AGBL1: variants seen among roughly 807,000 people sequenced by gnomAD.
The protein encoded by AGBL1 is AGBL carboxypeptidase 1.
Under a neutral mutation model 118.9 loss-of-function variants are expected in AGBL1, and 130 were observed. That is an observed-to-expected ratio of 1.09 (90% CI 0.95 to 1.26). The LOEUF is 1.26. Among genes scored for constraint, AGBL1 ranks in the 50% most tolerant of loss-of-function variants. The pLI is 0.00. For missense variants in AGBL1, 1,584 were observed against 1,298.1 expected (o/e 1.22, Z -3.38); for synonymous variants, 555 against 478.9 (o/e 1.16, Z -2.08).
intron 22 of AGBL1, among the ~76,000 whole-genome samples, chr15:86,758,571 C>T (rs2077976297): frequency 6.6e-6 from 1 of 152,016 alleles, no homozygotes; most frequent in African/African-American, 2.4e-5. Context: ...GCTCGATAAG[C>T]ATCTGTTGAA....
chr15:86,096,346 C>T (rs145986490), intron 1 of AGBL1, among the ~76,000 whole-genome samples: 59 of 152,158 alleles, frequency 3.9e-4, no homozygotes, highest in African/African-American at 1.2e-3. Context: ...GAGACTTGAA[C>T]GGACATTTCC....
At chr15:86,150,769 A>G (rs146384185) in intron 3 of AGBL1, among the ~76,000 whole-genome samples, 2,260 of 152,312 alleles carry the variant, frequency 0.015, 52 homozygotes, top group African/African-American at 0.051. Flanking sequence ...AACTCATTTT[A>G]TGAGGCCAGC....
At chr15:86,290,613 G>C (rs548654259) in intron 16 of AGBL1, among the ~76,000 whole-genome samples, 12 of 151,858 alleles carry the variant, frequency 7.9e-5, no homozygotes, top group Middle Eastern at 3.4e-3. Context: ...CGGCCTCCCA[G>C]AGTGCTGGGA....
chr15:87,008,036 G>T (rs1034899876), intron 24 of AGBL1, among the ~76,000 whole-genome samples: 1 of 152,236 alleles, frequency 6.6e-6, no homozygotes, highest in African/African-American at 2.4e-5. Flanking sequence ...GAGGGAAGGT[G>T]TGATGGTTAG....
chr15:86,224,556 G>C (rs1186206672), intron 5 of AGBL1, among the ~76,000 whole-genome samples: 1 of 152,060 alleles, frequency 6.6e-6, no homozygotes, highest in African/African-American at 2.4e-5. Context: ...GTCCCTGCAA[G>C]TTTCCAGAAA....
At chr15:86,832,366 A>G (rs769683697) in intron 22 of AGBL1, among the ~76,000 whole-genome samples, 1 of 151,866 alleles carries the variant, frequency 6.6e-6, no homozygotes, top group African/African-American at 2.4e-5. Context: ...GAACTTTTAT[A>G]TTTTTTGCTT....
chr15:86,357,033 A>G (rs1255116417), intron 17 of AGBL1, among the ~76,000 whole-genome samples: 2 of 152,220 alleles, frequency 1.3e-5, no homozygotes, highest in Non-Finnish European at 2.9e-5. Flanking sequence ...CATTGGCACT[A>G]CCAGCGTAGA....
rs140136640 is a variant in AGBL1 at position 86,839,515 on chromosome 15, G to C, written c.3159-67572G>C. On this transcript the variant is annotated intron_variant, in intron 22 of 22. Coordinates refer to ENST00000614907, the MANE Select transcript of AGBL1 (RefSeq NM_001386094.1). ...CTATTTGCTGTCCATATGTAGCAGG[G>C]TTTCTCAGCTTTCGCACTACTGATA... Among the ~76,000 whole-genome samples the C allele has an allele frequency of 7.8e-3, 1,182 of 152,238 alleles. 12 individuals are homozygous for C. The highest frequency in any genetic ancestry group is 0.033 in the South Asian group (158 of 4,824).
chr15:86,744,830 T>C (rs758659368), intron 22 of AGBL1, among the ~76,000 whole-genome samples: 2 of 152,160 alleles, frequency 1.3e-5, no homozygotes, highest in Non-Finnish European at 2.9e-5. Flanking sequence ...CTTTAACTCA[T>C]TATAATTTTT....
Position 86,403,010 on chromosome 15 carries a change from C to A in AGBL1, c.2555+5464C>A, listed in dbSNP as rs371900543. ...CGGTTTCTTGACACTTAAAAATCTT[C>A]CCAAGGTGGGGTAAAAATAGAATGG... On this transcript the variant is annotated intron_variant, in intron 18 of 22. Coordinates refer to ENST00000614907, the MANE Select transcript of AGBL1 (RefSeq NM_001386094.1). Among the ~76,000 whole-genome samples, 202 of 152,216 alleles carry A rather than the reference C, an allele frequency of 1.3e-3. 1 individual carries two copies. The highest frequency in any genetic ancestry group is 4.7e-3 in the African/African-American group (197 of 41,542).
intron 21 of AGBL1, among the ~76,000 whole-genome samples, chr15:86,668,682 C>T (rs538227484): frequency 6.6e-6 from 1 of 152,106 alleles, no homozygotes; most frequent in African/African-American, 2.4e-5. Context: ...ATACTAAACC[C>T]TGTTCACTTA....
chr15:86,506,026 G>T (rs2082972332), intron 18 of AGBL1, among the ~76,000 whole-genome samples: 1 of 151,972 alleles, frequency 6.6e-6, no homozygotes. Context: ...CTAGCTTAGT[G>T]GTCTTCTAAT....
At chr15:86,778,723 TACAA>T (rs1259933479) in intron 22 of AGBL1, among the ~76,000 whole-genome samples, 2 of 152,196 alleles carry the variant, frequency 1.3e-5, no homozygotes, top group African/African-American at 2.4e-5. Context: ...ACACATGCTC[TACAA>T]ACAATTTGTG....
At chr15:86,154,375 T>A in intron 3 of AGBL1, 55 bp from the exon 4 acceptor site, 1 of 1,582,150 alleles carries the variant, frequency 6.3e-7, no homozygotes. Flanking sequence ...GTACTCATTG[T>A]ACAATCCAGA....
At chr15:86,114,952 A>G (rs1897663352) in intron 1 of AGBL1, among the ~76,000 whole-genome samples, 1 of 152,164 alleles carries the variant, frequency 6.6e-6, no homozygotes, top group East Asian at 1.9e-4. Context: ...GTCTTTATTG[A>G]ACTTCATGAT....
At chr15:86,771,909 G>A (rs2078187785) in intron 22 of AGBL1, among the ~76,000 whole-genome samples, 1 of 151,994 alleles carries the variant, frequency 6.6e-6, no homozygotes, top group Non-Finnish European at 1.5e-5. Flanking sequence ...AGTCATTAAG[G>A]GAAATGGGTG....
chr15:87,024,224 G>C (rs1169707437), intron 24 of AGBL1, among the ~76,000 whole-genome samples: 1 of 151,878 alleles, frequency 6.6e-6, no homozygotes, highest in African/African-American at 2.4e-5. Flanking sequence ...AAATGAAACT[G>C]ATAGACCATT....
intron 5 of AGBL1, among the ~76,000 whole-genome samples, chr15:86,199,685 C>G (rs2077872739): frequency 6.6e-6 from 1 of 152,126 alleles, no homozygotes; most frequent in Admixed American, 6.5e-5. Flanking sequence ...AGCTACGTGG[C>G]TTGAATTGAG....
At chr15:86,620,806 G>C (rs72759955) in intron 21 of AGBL1, among the ~76,000 whole-genome samples, 55 of 151,728 alleles carry the variant, frequency 3.6e-4, no homozygotes, top group Non-Finnish European at 7.2e-4. Flanking sequence ...AATGATATTA[G>C]CTCCTTTTTT....
Sources: gnomAD v4.1 joint callset for allele counts (sites outside exome capture counted in the v4.1 genomes callset) on GRCh38, gnomAD v4.1.1 for gene constraint, MANE v1.5 for transcripts, NCBI Gene and HGNC (gene_info 2026-07-23, HGNC 2026-07-21) for gene names.